CD180: variants seen among roughly 807,000 people sequenced by gnomAD.
CD180 encodes the protein CD180 molecule.
Under a neutral mutation model 10.7 loss-of-function variants are expected in CD180, and 11 were observed. The ratio of observed to expected loss-of-function variants is 1.03; its 90% CI spans 0.65 to 1.70. The LOEUF (loss-of-function observed/expected upper bound fraction) is 1.70. Among genes scored for constraint, CD180 ranks in the 40% most tolerant of loss-of-function variants. The probability of loss-of-function intolerance (pLI) is 0.00; values close to 1 mark genes in which losing one functional copy is unlikely to be tolerated. For synonymous variants in CD180, 286 were observed against 294.6 expected (o/e 0.97, Z 0.30); for missense variants, 729 against 775.2 (o/e 0.94, Z 0.71).
Position 67,183,917 on chromosome 5 carries a change from T to C in CD180, c.926A>G (p.His309Arg), listed in dbSNP as rs1742119530. 1.9e-6 allele frequency: 3 copies of C among 1,614,204 alleles called. No individual in the cohort carries two copies. In the East Asian group the frequency reaches 6.7e-5, roughly 36 times the overall value. Residue 309 changes from histidine to arginine, a missense_variant, in exon 3 of 3, where the codon CAC becomes CGC. Physicochemically the swap from His to Arg is conservative, Grantham distance 29 (BLOSUM62 0). Coordinates refer to ENST00000256447, the MANE Select transcript of CD180 (RefSeq NM_005582.3). ...CATCCCAGAGGGTAACCCTTTCAAG[T>C]GAGTTGCTGTCAGATCCAATTCTTG... Reference protein sequence around the residue: ...QLQELDLTATHLKGLPSGMKG... With the variant: ...QLQELDLTATRLKGLPSGMKG...
chr5:67,185,463 T>C (rs550056622), intron 2 of CD180, among the ~76,000 whole-genome samples: 3 of 152,358 alleles, frequency 2.0e-5, no homozygotes, highest in African/African-American at 7.2e-5. Context: ...TTCCAATTTG[T>C]AGGGGGGAAA....
Position 67,181,735 on chromosome 5 carries a change from G to A in CD180, c.*1122C>T, listed in dbSNP as rs911468869. The A allele has an allele frequency of 6.6e-6, 1 of 152,130 alleles. No homozygotes were observed. Among genetic ancestry groups the A allele is most frequent in the African/African-American group, 2.4e-5 (1 of 41,422 alleles). The allele number at this position is 152,130 out of a possible 1,614,324, so 9.4% of individuals were successfully genotyped here. A position where few individuals can be genotyped will look rare whatever the true frequency, so the allele number is the denominator to read the frequency against. On this transcript the variant is annotated 3_prime_UTR_variant, in exon 3 of 3. Coordinates refer to ENST00000256447, the MANE Select transcript of CD180 (RefSeq NM_005582.3). The stretch of plus-strand genomic sequence containing the variant: ...GGCCTGTGTGAGTATGGCCCTTTAA[G>A]CCTAAGTCATGACATTGCTCTTTGT...
At position 67,184,302 on chromosome 5, in the gene CD180, G is replaced by A; in HGVS notation, c.541C>T (p.Gln181Ter). 6.2e-7 allele frequency: 1 copy of A among 1,614,144 alleles called. No individual in the cohort carries two copies. Among genetic ancestry groups the A allele is most frequent in the Non-Finnish European group, 8.5e-7 (1 of 1,180,024 alleles). ...GAGATGTAGTGTATAGCATTATTCT[G>A]AAAATCCAGTACTTTCAGATTCCGT... is the stretch of plus-strand genomic sequence containing the variant. ...PARNLKVLDFQNNAIHYISRE... is the reference protein window; with the variant it reads ...PARNLKVLDF Residue 181 changes from glutamine (Q) to a stop codon, truncating the protein, a stop_gained, in exon 3 of 3, where the codon CAG becomes TAG. Transcript: ENST00000256447. LOFTEE classifies it low-confidence loss of function (END_TRUNC).
rs555034588 is a variant in CD180 at position 67,196,752 on chromosome 5, T to C, written c.-111A>G. 1.2e-4 allele frequency: 170 copies of C among 1,421,524 alleles called. No individual in the cohort carries two copies. Among genetic ancestry groups the C allele is most frequent in the Non-Finnish European group, 2.3e-5 (24 of 1,043,204 alleles). 88.1% of individuals were successfully genotyped at this position (1,421,524 alleles called of 1,614,324 possible). On this transcript the variant is annotated 5_prime_UTR_variant, in exon 1 of 3. Transcript: ENST00000256447. ...GCCAGAGAGGTACTCAGAAGGGTGA[T>C]CTTGGAACAAGAAATGCTGTTGACT...
In CD180 at chr5:67,183,305, T is replaced by C. The variant is rs758402391; in HGVS notation, c.1538A>G (p.Gln513Arg). ...LSSCGLLSID[Q>R]QAFHSLGKMS... ...TTTTCCCAAGCTGTGGAATGCTTGC[T>C]GGTCTATAGAGAGGAGACCACAAGA... is the stretch of plus-strand genomic sequence containing the variant. The change falls in exon 3 of 3, where the codon CAG becomes CGG. Residue 513 changes from glutamine (Q) to arginine (R), a missense_variant. Transcript: ENST00000256447. 1 of 1,614,210 alleles carries C rather than the reference T, an allele frequency of 6.2e-7. No homozygotes were observed. Among genetic ancestry groups the C allele is most frequent in the South Asian group, 1.1e-5 (1 of 91,080 alleles).
Position 67,183,163 on chromosome 5 carries a change from G to C in CD180, c.1680C>G (p.Pro560=). ...LAANSINIIS[P]RLLPILSQQS... ...GCTGGGACAAGATAGGGAGGAGACG[G>C]GGTGAGATGATGTTAATGCTGTTGG... Residue 560 remains proline (P), a synonymous_variant, in exon 3 of 3, where the codon CCC becomes CCG. Coordinates refer to ENST00000256447, the MANE Select transcript of CD180 (RefSeq NM_005582.3). 6 of 1,611,186 alleles carry C rather than the reference G, an allele frequency of 3.7e-6. No homozygotes were observed. Among genetic ancestry groups the C allele is most frequent in the Non-Finnish European group, 5.1e-6 (6 of 1,177,844 alleles).
In CD180 at chr5:67,180,680, T is replaced by C. The variant is rs1056391697; in HGVS notation, c.*2177A>G. The C allele has an allele frequency of 2.6e-5, 4 of 152,100 alleles. No homozygotes were observed. The highest frequency in any genetic ancestry group is 1.3e-4 in the Admixed American group (2 of 15,262). The allele number at this position is 152,100 out of a possible 1,614,324, so 9.4% of individuals were successfully genotyped here. A position where few individuals can be genotyped will look rare whatever the true frequency, so the allele number is the denominator to read the frequency against. On this transcript the variant is annotated 3_prime_UTR_variant, in exon 3 of 3. Transcript: ENST00000256447. ...GGCAGAACTAGGAGCTAATAAAGGC[T>C]CAGGGATCAGCACATATTAAAAATA... is the stretch of plus-strand genomic sequence containing the variant.
rs1742107022 is a variant in CD180 at position 67,183,573 on chromosome 5, G to C, written c.1270C>G (p.Leu424Val). 1 of 1,614,098 alleles carries C rather than the reference G, an allele frequency of 6.2e-7. No individual in the cohort carries two copies. The highest frequency in any genetic ancestry group is 1.7e-5 in the Admixed American group (1 of 60,004). The change falls in exon 3 of 3, where the codon CTC becomes GTC. Residue 424 changes from leucine (L) to valine (V), a missense_variant. By Grantham distance (32) the Leu-to-Val change is conservative. Coordinates refer to ENST00000256447, the MANE Select transcript of CD180 (RefSeq NM_005582.3). ...AAGCGGGTAAATGCCAAATCGAGGA[G>C]TTCTAGCTGAGGACATTCTTTGAAT... ...QAFKECPQLE[L>V]LDLAFTRLHI... is the part of the protein sequence containing the mutation.
At position 67,186,848 on chromosome 5, in the gene CD180, C is replaced by CTGTGTGTGTGTGTG. The variant is rs56004314; in HGVS notation, c.91-845_91-832dup. Among the ~76,000 whole-genome samples the CTGTGTGTGTGTGTG allele has an allele frequency of 1.2e-3, 174 of 146,810 alleles. 3 individuals carry two copies. Among genetic ancestry groups the CTGTGTGTGTGTGTG allele is most frequent in the African/African-American group, 4.3e-3 (169 of 39,450 alleles). On this transcript the variant is annotated intron_variant, in intron 1 of 2. Coordinates refer to ENST00000256447, the MANE Select transcript of CD180 (RefSeq NM_005582.3). ...TATGGAACAACTGACTTTGTTCTATCTGTGTGTGTGTGTGTGTGTGTGTGT... is the reference window on the plus strand; with the variant it reads ...TATGGAACAACTGACTTTGTTCTATCTGTGTGTGTGTGTGTGTGTGTGTGTGTGTGTGTGTGTGT...
At chr5:67,191,306 G>A (rs148966768) in intron 1 of CD180, among the ~76,000 whole-genome samples, 5 of 152,248 alleles carry the variant, frequency 3.3e-5, no homozygotes, top group Admixed American at 6.5e-5. Flanking sequence ...TAGGAACTTC[G>A]CCTTGCAAGT....
At chr5:67,195,100 C>T (rs545433690) in intron 1 of CD180, among the ~76,000 whole-genome samples, 1 of 152,334 alleles carries the variant, frequency 6.6e-6, no homozygotes, top group South Asian at 2.1e-4. Context: ...ACTCTGCCAA[C>T]ACCTTGATCT....
At position 67,183,616 on chromosome 5, in the gene CD180, A is replaced by C. The variant is rs762285989; in HGVS notation, c.1227T>G (p.Leu409=). 4 of 1,614,110 alleles carry C rather than the reference A, an allele frequency of 2.5e-6. No homozygotes were observed. The African/African-American group carries it at 4.0e-5, about 16-fold the overall frequency. Reference sequence around the variant, plus strand: ...CTTTGAATGCCTGACTCTGGAGACCAAGAGGCTCATTGTGGCTCAGGTTTA... The same window carrying C: ...CTTTGAATGCCTGACTCTGGAGACCCAGAGGCTCATTGTGGCTCAGGTTTA... ...QTLNLSHNEP[L]GLQSQAFKEC... is the part of the protein sequence containing the mutation. The change falls in exon 3 of 3, where the codon CTT becomes CTG. Residue 409 remains leucine (L), a synonymous_variant. Coordinates refer to ENST00000256447, the MANE Select transcript of CD180 (RefSeq NM_005582.3).
At position 67,183,475 on chromosome 5, in the gene CD180, G is replaced by A; in HGVS notation, c.1368C>T (p.Phe456=). Residue 456 remains phenylalanine, a synonymous_variant, in exon 3 of 3, where the codon TTC becomes TTT. Transcript: ENST00000256447. ...FLQVLNLTYC[F]LDTSNQHLLA... ...GAAGATGCTGATTGCTGGTATCAAG[G>A]AAGCAGTAAGTGAGATTCAGAACCT... The A allele has an allele frequency of 6.2e-7, 1 of 1,614,212 alleles. No homozygotes were observed. The highest frequency in any genetic ancestry group is 1.1e-5 in the South Asian group (1 of 91,082).
In CD180 at chr5:67,196,533, A is replaced by G. The variant is rs370919443; in HGVS notation, c.90+19T>C. ...TTCAGACAGTTTAATCTGCATAAAG[A>G]CAAACAGTTTGGACTCACCTCAATG... On this transcript the variant is annotated intron_variant, in intron 1 of 2. Coordinates refer to ENST00000256447, the MANE Select transcript of CD180 (RefSeq NM_005582.3). 1.8e-5 allele frequency: 29 copies of G among 1,613,838 alleles called. No individual in the cohort carries two copies. The African/African-American group carries it at 2.3e-4, about 13-fold the overall frequency.
intron 2 of CD180, 91 bp downstream of exon 2, chr5:67,185,760 C>T (rs1274310135): frequency 1.1e-5 from 10 of 897,830 alleles, no homozygotes; most frequent in Admixed American, 6.5e-5. Flanking sequence ...TGTCCCTGGG[C>T]CCCCCAAAAA....
Position 67,179,875 on chromosome 5 carries a change from T to C in CD180, c.*2982A>G, listed in dbSNP as rs1742005116. ...TGGACTTCAGTGCTATTTGCTCCAGTACCCTTTGAAATGCAGGGTCAGCTC... is the reference window on the plus strand; with the variant it reads ...TGGACTTCAGTGCTATTTGCTCCAGCACCCTTTGAAATGCAGGGTCAGCTC... On this transcript the variant is annotated 3_prime_UTR_variant, in exon 3 of 3. Coordinates refer to ENST00000256447, the MANE Select transcript of CD180 (RefSeq NM_005582.3). 1 of 152,236 alleles carries C rather than the reference T, an allele frequency of 6.6e-6. No individual in the cohort carries two copies. Among genetic ancestry groups the C allele is most frequent in the Admixed American group, 6.5e-5 (1 of 15,282 alleles). 9.4% of individuals were successfully genotyped at this position (152,236 alleles called of 1,614,324 possible).
intron 1 of CD180, among the ~76,000 whole-genome samples, chr5:67,192,558 G>A (rs1581830213): frequency 6.6e-6 from 1 of 152,052 alleles, no homozygotes; most frequent in African/African-American, 2.4e-5. Flanking sequence ...GAAGGCAGAC[G>A]GGGAGCAGGC....
At chr5:67,186,566 C>A (rs1742198761) in intron 1 of CD180, among the ~76,000 whole-genome samples, 1 of 152,102 alleles carries the variant, frequency 6.6e-6, no homozygotes, top group Admixed American at 6.6e-5. Context: ...TCTCTGAATG[C>A]ACTTGGTTTT....
In CD180 at chr5:67,183,941, T is replaced by C. The variant is rs758123041; in HGVS notation, c.902A>G (p.Gln301Arg). The C allele has an allele frequency of 6.2e-7, 1 of 1,614,052 alleles. No homozygotes were observed. The highest frequency in any genetic ancestry group is 8.5e-7 in the Non-Finnish European group (1 of 1,180,026). Reference protein sequence around the residue: ...STTFQCFTQLQELDLTATHLK... With the variant: ...STTFQCFTQLRELDLTATHLK... The stretch of plus-strand genomic sequence containing the variant: ...GTGAGTTGCTGTCAGATCCAATTCT[T>C]GGAGTTGGGTGAAGCACTGAAATGT... The change falls in exon 3 of 3, where the codon CAA becomes CGA. Residue 301 changes from glutamine to arginine, a missense_variant. Coordinates refer to ENST00000256447, the MANE Select transcript of CD180 (RefSeq NM_005582.3).
Sources: allele counts gnomAD v4.1 joint callset (sites outside exome capture counted in the v4.1 genomes callset), GRCh38; gene constraint gnomAD v4.1.1; transcripts MANE v1.5; gene names NCBI Gene and HGNC (gene_info 2026-07-23, HGNC 2026-07-21).